CLEC4D: variants seen among roughly 807,000 people sequenced by gnomAD.
The protein encoded by CLEC4D is C-type (calcium dependent, carbohydrate-recognition domain) lectin, superfamily member 8.
Under a neutral mutation model 21.1 loss-of-function variants are expected in CLEC4D, and 21 were observed. That is an observed-to-expected ratio of 1.00 (90% CI 0.71 to 1.43). CLEC4D has a LOEUF of 1.43. Among genes scored for constraint, CLEC4D ranks in the 40% most tolerant of loss-of-function variants. CLEC4D has a pLI of 0.00. For synonymous variants in CLEC4D, 85 were observed against 83.1 expected, an observed-to-expected ratio of 1.02 and a Z score of -0.12; for missense variants, 289 against 260.7, an observed-to-expected ratio of 1.11 and a Z score of -0.75.
At position 8,513,729 on chromosome 12, in the gene CLEC4D, G is replaced by A; in HGVS notation, c.-4G>A. On this transcript the variant is annotated 5_prime_UTR_variant, in exon 1 of 6. Coordinates refer to ENST00000299665, the MANE Select transcript of CLEC4D (RefSeq NM_080387.5). ...TGACCATTGAACAAGAGACTAATTA[G>A]ACAATGGGGCTAGAAAAACCTCAAA... 8.9e-7 allele frequency: 1 copy of A among 1,124,044 alleles called. No homozygotes were observed. Among genetic ancestry groups the A allele is most frequent in the Non-Finnish European group, 1.4e-6 (1 of 734,290 alleles). The allele number at this position is 1,124,044 out of a possible 1,614,324, so 69.6% of individuals were successfully genotyped here.
At chr12:8,522,776 C>G (rs1352182863), downstream of CLEC4D, among the ~76,000 whole-genome samples, 1 of 152,092 alleles carries the variant, frequency 6.6e-6, no homozygotes, top group Non-Finnish European at 1.5e-5. Context: ...TTGCCCATGC[C>G]TGTGTCCTGA....
chr12:8,514,938 A>G (rs771108499), intron 1 of CLEC4D, among the ~76,000 whole-genome samples: 1 of 152,254 alleles, frequency 6.6e-6, no homozygotes, highest in Non-Finnish European at 1.5e-5. Context: ...TGCTTGTGTT[A>G]TATAGAAGTT....
intron 3 of CLEC4D, among the ~76,000 whole-genome samples, chr12:8,518,627 T>A (rs1333445699): frequency 1.3e-5 from 2 of 152,222 alleles, no homozygotes; most frequent in Non-Finnish European, 2.9e-5. Context: ...GAATTTGTCA[T>A]CTCATTTGGG....
chr12:8,513,780 TC>T lies in CLEC4D; in HGVS notation c.28+22del. On this transcript the variant is annotated intron_variant, in intron 1 of 5. Coordinates refer to ENST00000299665, the MANE Select transcript of CLEC4D (RefSeq NM_080387.5). ...GTAAACGTGAGTACTTTCTCTCCTTTCCATTTCAAAGAAGCAGATGGAATTA... is the reference window on the plus strand; with the variant it reads ...GTAAACGTGAGTACTTTCTCTCCTTTCATTTCAAAGAAGCAGATGGAATTA... 3.0e-6 allele frequency: 3 copies of T among 1,003,032 alleles called. No homozygotes were observed. The highest frequency in any genetic ancestry group is 4.8e-6 in the Non-Finnish European group (3 of 623,988). 62.1% of individuals were successfully genotyped at this position (1,003,032 alleles called of 1,614,324 possible). A position where few individuals can be genotyped will look rare whatever the true frequency, so the allele number is the denominator to read the frequency against.
chr12:8,520,139 A>C (rs748101785), intron 4 of CLEC4D, 87 bp from the exon 5 acceptor site: 1 of 1,524,676 alleles, frequency 6.6e-7, no homozygotes, highest in South Asian at 1.2e-5. Context: ...CTTAACCAGT[A>C]ATCTAGTTGA....
the CLEC4D span, among the ~76,000 whole-genome samples, chr12:8,527,651 GC>G: frequency 6.6e-6 from 1 of 152,196 alleles, no homozygotes; most frequent in African/African-American, 2.4e-5. Context: ...GCTGGCTACT[GC>G]CCCTCCCTCA....
chr12:8,526,080 T>C (rs1419547584), downstream of CLEC4D, among the ~76,000 whole-genome samples: 1 of 152,216 alleles, frequency 6.6e-6, no homozygotes, highest in Non-Finnish European at 1.5e-5. Flanking sequence ...AGGCTTCTTT[T>C]TGTAGGTACC....
the CLEC4D span, among the ~76,000 whole-genome samples, chr12:8,527,472 C>A: frequency 6.6e-6 from 1 of 152,052 alleles, no homozygotes; most frequent in Non-Finnish European, 1.5e-5. Flanking sequence ...GGCACTCTGG[C>A]CGCAGACTGC....
chr12:8,515,334 TTATTAGCCAAAGTAG>T lies in CLEC4D; in HGVS notation c.121+7_121+21del. On this transcript the variant is annotated splice_region_variant and intron_variant, in intron 2 of 5. Transcript: ENST00000299665. ...TTTTATTGCAAGTTGTTTGGGTAAGTTATTAGCCAAAGTAGAACTCTTCTTGAATTATTATTTCCA... is the reference window on the plus strand; with the variant it reads ...TTTTATTGCAAGTTGTTTGGGTAAGTAACTCTTCTTGAATTATTATTTCCA... The T allele has an allele frequency of 8.4e-7, 1 of 1,186,344 alleles. No individual in the cohort carries two copies. Among genetic ancestry groups the T allele is most frequent in the Non-Finnish European group, 1.3e-6 (1 of 789,808 alleles). 73.5% of individuals were successfully genotyped at this position (1,186,344 alleles called of 1,614,324 possible).
At chr12:8,531,353 G>T in the CLEC4D span, among the ~76,000 whole-genome samples, 26 of 152,290 alleles carry the variant, frequency 1.7e-4, no homozygotes, top group African/African-American at 5.8e-4. Context: ...ATCAGGAAAC[G>T]GAAAGGTAGA....
chr12:8,531,047 T>A, the CLEC4D span, among the ~76,000 whole-genome samples: 1 of 152,188 alleles, frequency 6.6e-6, no homozygotes, highest in Non-Finnish European at 1.5e-5. Flanking sequence ...TCCTCCTGCT[T>A]CGGCTCAGAC....
intron 2 of CLEC4D, among the ~76,000 whole-genome samples, chr12:8,516,223 A>G (rs1444045459): frequency 6.6e-6 from 1 of 152,204 alleles, no homozygotes; most frequent in African/African-American, 2.4e-5. Flanking sequence ...CGATTTCTTA[A>G]ACAAGCCACA....
chr12:8,516,688 T>G (rs1276614162), intron 2 of CLEC4D, among the ~76,000 whole-genome samples: 1 of 152,244 alleles, frequency 6.6e-6, no homozygotes, highest in African/African-American at 2.4e-5. Context: ...TGGAAAAGTT[T>G]ACCGCTATCA....
chr12:8,526,106 G>A (rs1940503818), downstream of CLEC4D, among the ~76,000 whole-genome samples: 1 of 152,062 alleles, frequency 6.6e-6, no homozygotes, highest in Non-Finnish European at 1.5e-5. Flanking sequence ...TTTCTCTCTG[G>A]CTGCCTTTAA....
Position 8,513,602 on chromosome 12 carries a change from A to G in CLEC4D, c.-131A>G, listed in dbSNP as rs1940336372. 3.5e-6 allele frequency: 2 copies of G among 576,696 alleles called. No homozygotes were observed. The highest frequency in any genetic ancestry group is 2.6e-5 in the East Asian group (1 of 38,156). 35.7% of individuals were successfully genotyped at this position (576,696 alleles called of 1,614,324 possible). ...CTGGTACCTTTCTAATCTCACTACAATATGTAACATTGGTGTTCGATCTCA... is the reference window on the plus strand; with the variant it reads ...CTGGTACCTTTCTAATCTCACTACAGTATGTAACATTGGTGTTCGATCTCA... On this transcript the variant is annotated 5_prime_UTR_variant, in exon 1 of 6. Coordinates refer to ENST00000299665, the MANE Select transcript of CLEC4D (RefSeq NM_080387.5).
intron 2 of CLEC4D, among the ~76,000 whole-genome samples, chr12:8,516,743 C>G (rs1940387137): frequency 6.6e-6 from 1 of 152,220 alleles, no homozygotes; most frequent in African/African-American, 2.4e-5. Flanking sequence ...TCCACTCCTA[C>G]GTATGTGCCC....
chr12:8,519,777 A>G (rs899640500), intron 4 of CLEC4D, among the ~76,000 whole-genome samples: 1 of 152,234 alleles, frequency 6.6e-6, no homozygotes, highest in Non-Finnish European at 1.5e-5. Context: ...CCATTTATGT[A>G]CCATGACTCA....
At chr12:8,531,023 G>T in the CLEC4D span, among the ~76,000 whole-genome samples, 4 of 152,132 alleles carry the variant, frequency 2.6e-5, no homozygotes, top group East Asian at 7.7e-4. Flanking sequence ...GTGCCCTGTG[G>T]CCCTCCTAGA....
downstream of CLEC4D, among the ~76,000 whole-genome samples, chr12:8,525,154 A>C (rs147401563): frequency 1.0e-3 from 157 of 152,262 alleles, no homozygotes; most frequent in African/African-American, 3.7e-3. Flanking sequence ...GCCATGTGAC[A>C]CTGAGAAGAA....
Sources: allele counts gnomAD v4.1 joint callset (sites outside exome capture counted in the v4.1 genomes callset), GRCh38; gene constraint gnomAD v4.1.1; transcripts MANE v1.5; gene names NCBI Gene and HGNC (gene_info 2026-07-23, HGNC 2026-07-21).